NEXMIF: variants seen among roughly 807,000 people sequenced by gnomAD.
NEXMIF encodes the protein neurite extension and migration factor.
A neutral mutation model predicts 62.1 loss-of-function variants in NEXMIF; 8 were observed. That is an observed-to-expected ratio of 0.13 (90% confidence interval 0.08 to 0.23). The LOEUF (loss-of-function observed/expected upper bound fraction) is 0.23, where lower values mean the gene tolerates loss of function less well. NEXMIF is among the 10% of genes least tolerant of loss of function. The pLI is 1.00. For synonymous variants in NEXMIF, 404 were observed against 416.6 expected (o/e 0.97, Z 0.37); for missense variants, 976 against 1,113.3 (o/e 0.88, Z 1.75).
chrX:74,758,309 A>G (rs1602218284), intron 1 of NEXMIF, among the ~76,000 whole-genome samples: 1 of 111,944 alleles, frequency 8.9e-6, no homozygotes, highest in African/African-American at 3.2e-5. Flanking sequence ...AGATGGCAGG[A>G]ACAGAATGAA....
chrX:74,781,855 A>T, intron 1 of NEXMIF, among the ~76,000 whole-genome samples: 1 of 111,728 alleles, frequency 9.0e-6, no homozygotes, highest in Middle Eastern at 4.6e-3. Context: ...TGAAATTTAT[A>T]CTAAGATTTT....
chrX:74,876,820 C>CT (rs1467476469), intron 1 of NEXMIF, among the ~76,000 whole-genome samples: 2 of 105,282 alleles, frequency 1.9e-5, no homozygotes, highest in Admixed American at 2.1e-4. Context: ...CAACCCCTGC[C>CT]TTTTTTTGTT....
intron 1 of NEXMIF, among the ~76,000 whole-genome samples, chrX:74,879,931 C>T (rs1021922760): frequency 3.6e-5 from 4 of 111,604 alleles, no homozygotes; most frequent in South Asian, 3.7e-4. Context: ...CCATTGTCAT[C>T]GATAATGGGG....
chrX:74,857,054 C>T (rs1027546910), intron 1 of NEXMIF, among the ~76,000 whole-genome samples: 1 of 112,243 alleles, frequency 8.9e-6, no homozygotes, highest in East Asian at 2.8e-4. Context: ...TGCTAAAGTG[C>T]TCTGGGCTCT....
chrX:74,763,876 A>G (rs1043145360), intron 1 of NEXMIF, among the ~76,000 whole-genome samples: 2 of 111,905 alleles, frequency 1.8e-5, no homozygotes, highest in African/African-American at 6.5e-5. Context: ...GGCTGAGACA[A>G]TGGGGTTTTG....
At chrX:74,893,392 G>A (rs2080723760) in intron 1 of NEXMIF, among the ~76,000 whole-genome samples, 1 of 112,170 alleles carries the variant, frequency 8.9e-6, no homozygotes, top group Admixed American at 9.5e-5. Context: ...ATCTAAAAGA[G>A]TTTTCTTGTT....
intron 1 of NEXMIF, among the ~76,000 whole-genome samples, chrX:74,846,657 C>T (rs1036486887): frequency 1.8e-5 from 2 of 111,774 alleles, no homozygotes; most frequent in Non-Finnish European, 3.8e-5. Context: ...TAAGAATTAA[C>T]CTTTGTTGCT....
chrX:74,869,893 C>T (rs1226129725), intron 1 of NEXMIF, among the ~76,000 whole-genome samples: 1 of 110,442 alleles, frequency 9.1e-6, no homozygotes, highest in Non-Finnish European at 1.9e-5. Flanking sequence ...TCTATACTAC[C>T]CAAATAAATC....
chrX:74,759,877 T>G (rs938873207), intron 1 of NEXMIF, among the ~76,000 whole-genome samples: 8 of 112,019 alleles, frequency 7.1e-5, no homozygotes, highest in African/African-American at 2.3e-4. Context: ...CTTGGGCTCT[T>G]TTTTTGGTTC....
chrX:74,787,096 C>CAA (rs1193458405), intron 1 of NEXMIF, among the ~76,000 whole-genome samples: 1 of 38,704 alleles, frequency 2.6e-5, no homozygotes, highest in African/African-American at 1.1e-4. Flanking sequence ...CTGTCTCTAC[C>CAA]AAAAATACAA....
At chrX:74,834,468 G>T (rs1385892709) in intron 1 of NEXMIF, among the ~76,000 whole-genome samples, 1 of 111,822 alleles carries the variant, frequency 8.9e-6, no homozygotes, top group Non-Finnish European at 1.9e-5. Context: ...AGAATTCCCT[G>T]TAGCATTTGT....
intron 1 of NEXMIF, among the ~76,000 whole-genome samples, chrX:74,747,946 CACTATGTCAGGGG>C (rs1426361324): frequency 8.9e-6 from 1 of 112,178 alleles, no homozygotes; most frequent in Non-Finnish European, 1.9e-5. Context: ...AGGACAAGAA[CACTATGTCAGGGG>C]ACATATTAGT....
At position 74,877,708 on chromosome X, in the gene NEXMIF, C is replaced by T. The variant is rs1189257672; in HGVS notation, c.-48+47175G>A. Among the ~76,000 whole-genome samples, 17 of 111,279 alleles carry T rather than the reference C, an allele frequency of 1.5e-4. No homozygotes were observed. The Admixed American group carries it at 1.6e-3, about 11-fold the overall frequency. Reference sequence around the variant, plus strand: ...CTCGTTTCTTTTTATTCTTTTTTCTCTAAACTTCCCTTCTCGCTTCATTTC... The same window carrying T: ...CTCGTTTCTTTTTATTCTTTTTTCTTTAAACTTCCCTTCTCGCTTCATTTC... On this transcript the variant is annotated intron_variant, in intron 1 of 3. Coordinates refer to ENST00000055682, the MANE Select transcript of NEXMIF (RefSeq NM_001008537.3).
intron 1 of NEXMIF, among the ~76,000 whole-genome samples, chrX:74,875,130 T>C (rs2080624721): frequency 9.0e-6 from 1 of 111,498 alleles, no homozygotes; most frequent in African/African-American, 3.3e-5. Context: ...GGCTGTGAGT[T>C]TGTCATAGAT....
chrX:74,786,298 T>C lies in NEXMIF; in HGVS notation c.-47-40601A>G, dbSNP rs989898070. On this transcript the variant is annotated intron_variant, in intron 1 of 3. Coordinates refer to ENST00000055682, the MANE Select transcript of NEXMIF (RefSeq NM_001008537.3). The stretch of plus-strand genomic sequence containing the variant: ...CACAGAAAAGAAGACTGATTGTCTA[T>C]GCAGAGAATGTTGGGTTGGTTGTAC... Among the ~76,000 whole-genome samples, 6 of 112,185 alleles carry C rather than the reference T, an allele frequency of 5.3e-5. No homozygotes were observed. In the East Asian group the frequency reaches 1.7e-3, roughly 31 times the overall value.
At chrX:74,771,411 T>C (rs2080209797) in intron 1 of NEXMIF, among the ~76,000 whole-genome samples, 2 of 110,976 alleles carry the variant, frequency 1.8e-5, no homozygotes, top group Non-Finnish European at 3.8e-5. Flanking sequence ...CTTAGGGATA[T>C]TGTCTAAAAG....
chrX:74,836,457 T>C (rs1424649018), intron 1 of NEXMIF, among the ~76,000 whole-genome samples: 3 of 111,932 alleles, frequency 2.7e-5, no homozygotes, highest in African/African-American at 6.5e-5. Context: ...TACTAGGGTA[T>C]TGGTGCTGGT....
intron 1 of NEXMIF, among the ~76,000 whole-genome samples, chrX:74,878,695 G>A (rs1022405182): frequency 7.1e-5 from 8 of 112,695 alleles, no homozygotes; most frequent in African/African-American, 1.9e-4. Context: ...CTCCTGATGC[G>A]CCGTTTTTTA....
At chrX:74,884,551 G>A (rs2080682358) in intron 1 of NEXMIF, among the ~76,000 whole-genome samples, 1 of 111,789 alleles carries the variant, frequency 8.9e-6, no homozygotes, top group South Asian at 3.7e-4. Context: ...GACAAAGCAG[G>A]CCATTATATA....
Sources: allele counts gnomAD v4.1 joint callset (sites outside exome capture counted in the v4.1 genomes callset), GRCh38; gene constraint gnomAD v4.1.1; transcripts MANE v1.5; gene names NCBI Gene and HGNC (gene_info 2026-07-23, HGNC 2026-07-21).